EDARADD: variants seen among roughly 807,000 people sequenced by gnomAD.
EDARADD encodes the protein EDAR associated via death domain.
EDARADD carries 20 observed loss-of-function variants against 25.6 expected under a neutral mutation model. The ratio of observed to expected loss-of-function variants is 0.78; its 90% CI spans 0.55 to 1.14. The LOEUF (loss-of-function observed/expected upper bound fraction) is 1.14. Ranked by LOEUF, EDARADD falls within the 50% of genes most tolerant of loss-of-function variation. EDARADD has a pLI of 0.00. For synonymous variants in EDARADD, 86 were observed against 94.4 expected (o/e 0.91, Z 0.52); for missense variants, 225 against 270.1 (o/e 0.83, Z 1.17).
intron 2 of EDARADD, among the ~76,000 whole-genome samples, chr1:236,413,749 A>G (rs1377286236): frequency 1.3e-5 from 2 of 152,242 alleles, no homozygotes; most frequent in Non-Finnish European, 2.9e-5. Context: ...AACTGTGCTG[A>G]ATTCTGCATA....
chr1:236,356,992 T>G (rs1266503969), intron 3 of EDARADD, among the ~76,000 whole-genome samples: 2 of 151,430 alleles, frequency 1.3e-5, no homozygotes, highest in African/African-American at 4.9e-5. Flanking sequence ...GCTGAGGCAC[T>G]AGAATTGCTT....
chr1:236,397,788 G>C (rs1196164020), intron 1 of EDARADD, among the ~76,000 whole-genome samples: 2 of 152,162 alleles, frequency 1.3e-5, no homozygotes, highest in East Asian at 3.9e-4. Flanking sequence ...GTCCATTCCC[G>C]CTCTGGGACT....
intron 1 of EDARADD, among the ~76,000 whole-genome samples, chr1:236,408,085 A>T (rs1213412114): frequency 2.0e-5 from 3 of 152,224 alleles, no homozygotes; most frequent in African/African-American, 7.2e-5. Context: ...AGAGTCATTA[A>T]TGTGATGCCT....
At chr1:236,453,314 T>C (rs1658764375) in intron 4 of EDARADD, among the ~76,000 whole-genome samples, 1 of 149,914 alleles carries the variant, frequency 6.7e-6, no homozygotes, top group African/African-American at 2.5e-5. Flanking sequence ...AGTCTCGCTG[T>C]CACCCAGGCT....
chr1:236,404,672 G>A (rs897984479), intron 1 of EDARADD, among the ~76,000 whole-genome samples: 4 of 152,170 alleles, frequency 2.6e-5, no homozygotes, highest in African/African-American at 9.7e-5. Context: ...GCATGGTGAC[G>A]CATGTCTGTG....
At position 236,398,586 on chromosome 1, in the gene EDARADD, G is replaced by C. The variant is rs187081671; in HGVS notation, c.61+4081G>C. 6.6e-6 allele frequency among the ~76,000 whole-genome samples: 1 copy of C among 152,164 alleles called. No homozygotes were observed. The highest frequency in any genetic ancestry group is 2.4e-5 in the African/African-American group (1 of 41,436). On this transcript the variant is annotated intron_variant, in intron 1 of 5. Coordinates refer to ENST00000334232, the MANE Select transcript of EDARADD (RefSeq NM_145861.4). The surrounding 1 kb of genome is among the most constrained non-coding windows in gnomAD (Gnocchi z 4.1). ...TGACCCCTGCTCTCTGCACGCAGCC[G>C]TGCTGCCTCCTTTCATTTCCTTGAA...
At chr1:236,434,565 C>T (rs1381620103) in intron 4 of EDARADD, among the ~76,000 whole-genome samples, 1 of 152,078 alleles carries the variant, frequency 6.6e-6, no homozygotes, top group East Asian at 1.9e-4. Flanking sequence ...TAAAGCTCTT[C>T]AGCTATCATC....
rs1204139682 is a variant in EDARADD, at chr1:236,394,480, C to A, written c.36C>A (p.Gly12=). The A allele has an allele frequency of 6.2e-7, 1 of 1,614,104 alleles. No homozygotes were observed. Among genetic ancestry groups the A allele is most frequent in the Non-Finnish European group, 8.5e-7 (1 of 1,179,986 alleles). ...GLRTTKQMGR[G]TKAPGHQEDH... ...GGACGACTAAACAGATGGGGAGAGG[C>A]ACTAAAGCTCCTGGTCACCAAGAGG... The change falls in exon 1 of 6, where the codon GGC becomes GGA. Residue 12 remains glycine, a synonymous_variant. Transcript: ENST00000334232.
At chr1:236,394,655 G>C in intron 1 of EDARADD, 150 bp downstream of exon 1, 1 of 623,062 alleles carries the variant, frequency 1.6e-6, no homozygotes. Flanking sequence ...TCTTATGTGT[G>C]AAGGCAGAGA....
At chr1:236,379,599 C>T (rs776864485) in intron 3 of EDARADD, among the ~76,000 whole-genome samples, 1 of 151,578 alleles carries the variant, frequency 6.6e-6, no homozygotes, top group Non-Finnish European at 1.5e-5. Flanking sequence ...GCCAACACGG[C>T]GAAACACCAT....
In EDARADD at chr1:236,482,961, C is replaced by T; in HGVS notation, c.*312C>T. 4.9e-6 allele frequency: 3 copies of T among 606,430 alleles called. No homozygotes were observed. The highest frequency in any genetic ancestry group is 2.0e-5 in the South Asian group (1 of 49,298). The allele number at this position is 606,430 out of a possible 1,614,324, so 37.6% of individuals were successfully genotyped here. ...CACGTTGAAGATAAAATTATCCTCT[C>T]TCTGAAATACGGTAAAGATTTAAAT... On this transcript the variant is annotated 3_prime_UTR_variant, in exon 6 of 6. Transcript: ENST00000334232.
At chr1:236,413,879 T>G (rs1413652344) in intron 2 of EDARADD, among the ~76,000 whole-genome samples, 1 of 152,194 alleles carries the variant, frequency 6.6e-6, no homozygotes, top group African/African-American at 2.4e-5. Context: ...ACATGCTTAT[T>G]GACCCCAGTG....
At chr1:236,408,748 T>TTTTC (rs898303491) in intron 1 of EDARADD, among the ~76,000 whole-genome samples, 11 of 151,400 alleles carry the variant, frequency 7.3e-5, no homozygotes, top group African/African-American at 2.7e-4. Context: ...CCTATTTCTT[T>TTTTC]TTTCTTTCTT....
intron 4 of EDARADD, among the ~76,000 whole-genome samples, chr1:236,467,876 G>A (rs1385385717): frequency 6.6e-6 from 1 of 151,740 alleles, no homozygotes; most frequent in Non-Finnish European, 1.5e-5. Context: ...TCCCATCTCA[G>A]CCACCCAAGT....
In EDARADD at chr1:236,355,500, C is replaced by CTTTTTTTTT. The variant is rs563976436; in HGVS notation, c.-6+4679_-6+4687dup. Reference sequence around the variant, plus strand: ...CACTCATTCTCTTCTGCTTCTTCTTCTTTTTTTTTTTTTTTTTTTTTTTTT... The same window carrying CTTTTTTTTT: ...CACTCATTCTCTTCTGCTTCTTCTTCTTTTTTTTTTTTTTTTTTTTTTTTTTTTTTTTTT... On this transcript the variant is annotated intron_variant, in intron 3 of 7. Coordinates refer to the EDARADD transcript ENST00000439430. Among the ~76,000 whole-genome samples the CTTTTTTTTT allele has an allele frequency of 1.9e-4, 14 of 73,168 alleles. 1 individual carries two copies. Among genetic ancestry groups the CTTTTTTTTT allele is most frequent in the East Asian group, 5.6e-4 (1 of 1,796 alleles). 48.0% of individuals were successfully genotyped at this position (73,168 alleles called of 152,430 possible).
At chr1:236,418,946 C>T (rs1657711507) in intron 3 of EDARADD, among the ~76,000 whole-genome samples, 1 of 152,180 alleles carries the variant, frequency 6.6e-6, no homozygotes, top group South Asian at 2.1e-4. Flanking sequence ...TGGGAATCTT[C>T]TGTTACAGTA....
At chr1:236,353,369 C>T (rs600988) in intron 3 of EDARADD, among the ~76,000 whole-genome samples, 36,233 of 151,994 alleles carry the variant, frequency 0.24, 4,445 homozygotes, top group East Asian at 0.39. Flanking sequence ...TGACTGCTTA[C>T]ACAAGGAGAT....
chr1:236,388,132 G>A (rs929981025), intron 3 of EDARADD, among the ~76,000 whole-genome samples: 28 of 151,896 alleles, frequency 1.8e-4, no homozygotes, highest in African/African-American at 6.5e-4. Context: ...TTGTGTATGT[G>A]TGTGTGTGTG....
At chr1:236,479,526 G>A (rs571167457) in intron 5 of EDARADD, among the ~76,000 whole-genome samples, 3 of 151,580 alleles carry the variant, frequency 2.0e-5, no homozygotes, top group South Asian at 2.1e-4. Context: ...CTCTCTATTC[G>A]CCTTTTAAGA....
Sources: allele counts gnomAD v4.1 joint callset (sites outside exome capture counted in the v4.1 genomes callset), GRCh38; gene constraint gnomAD v4.1.1; non-coding constraint Gnocchi (gnomAD v3.1); transcripts MANE v1.5; gene names NCBI Gene and HGNC (gene_info 2026-07-23, HGNC 2026-07-21).